The following INPP5A variants were observed in gnomAD, a reference collection of about 807,000 sequenced individuals.
INPP5A encodes the protein inositol polyphosphate-5-phosphatase A.
In INPP5A, 14 loss-of-function variants were observed where a neutral mutation model predicts 65.2. That is an observed-to-expected ratio of 0.21 (90% CI 0.14 to 0.34). The LOEUF (loss-of-function observed/expected upper bound fraction) is 0.34. Ranked by LOEUF, INPP5A falls within the 10% of genes least tolerant of loss-of-function variation. The probability of loss-of-function intolerance (pLI) is 1.00; values close to 1 mark genes in which losing one functional copy is unlikely to be tolerated. For missense variants in INPP5A, 431 were observed against 545.6 expected (o/e 0.79, Z 2.09); for synonymous variants, 207 against 208.3 (o/e 0.99, Z 0.05).
In INPP5A at chr10:132,650,983, C is replaced by T. The variant is rs1198882573; in HGVS notation, c.306+478C>T. On this transcript the variant is annotated intron_variant, in intron 4 of 15. Coordinates refer to ENST00000368594, the MANE Select transcript of INPP5A (RefSeq NM_005539.5). This position sits in a 1 kb window ranked among gnomAD's most constrained non-coding sequence, Gnocchi z 5.5. Reference sequence around the variant, plus strand: ...GAGAGGCTGTTCCTCAGGGTGAGCACAGGGGGAGTGGGACAGAGCCTTCCA... The same window carrying T: ...GAGAGGCTGTTCCTCAGGGTGAGCATAGGGGGAGTGGGACAGAGCCTTCCA... Among the ~76,000 whole-genome samples the T allele has an allele frequency of 6.6e-6, 1 of 152,102 alleles. No homozygotes were observed. Among genetic ancestry groups the T allele is most frequent in the Non-Finnish European group, 1.5e-5 (1 of 67,998 alleles).
At chr10:132,751,570 T>A (rs1393653787) in intron 11 of INPP5A, among the ~76,000 whole-genome samples, 4 of 152,046 alleles carry the variant, frequency 2.6e-5, no homozygotes, top group East Asian at 1.9e-4. Flanking sequence ...GCCTCGTCAG[T>A]GGGGAGCAGG....
rs769570143 is a variant in INPP5A at position 132,782,011 on chromosome 10, T to C, written c.*8-26T>C. ...AGCTTTTCCTGGTGCGTTTGTTCCTTTAACAAATTACGAATTCCGTGACAG... is the reference window on the plus strand; with the variant it reads ...AGCTTTTCCTGGTGCGTTTGTTCCTCTAACAAATTACGAATTCCGTGACAG... On this transcript the variant is annotated intron_variant, in intron 15 of 15. Coordinates refer to ENST00000368594, the MANE Select transcript of INPP5A (RefSeq NM_005539.5). This position sits in a 1 kb window ranked among gnomAD's most constrained non-coding sequence, Gnocchi z 4.4. 2 of 1,610,934 alleles carry C rather than the reference T, an allele frequency of 1.2e-6. No homozygotes were observed. The highest frequency in any genetic ancestry group is 1.7e-6 in the Non-Finnish European group (2 of 1,178,402).
At chr10:132,606,474 C>CGT (rs978191948) in intron 1 of INPP5A, among the ~76,000 whole-genome samples, 4 of 152,160 alleles carry the variant, frequency 2.6e-5, no homozygotes, top group African/African-American at 7.2e-5. Context: ...TCTCCCTTCG[C>CGT]GTGTGTGTGT....
At chr10:132,595,037 T>C (rs1024651007) in intron 1 of INPP5A, among the ~76,000 whole-genome samples, 5 of 152,236 alleles carry the variant, frequency 3.3e-5, no homozygotes, top group African/African-American at 9.6e-5. Flanking sequence ...GAAAAAGAAA[T>C]ACCTCTGCCT....
rs1845513732 is a variant in INPP5A at position 132,705,111 on chromosome 10, G to A, written c.475-3202G>A. On this transcript the variant is annotated intron_variant, in intron 6 of 15. Transcript: ENST00000368594. The surrounding 1 kb of genome is among the most constrained non-coding windows in gnomAD (Gnocchi z 4.9). ...GGTGTCCCAGCTGCACCGTTGGTGG[G>A]AGCATGGAGCCCGCTGTGGGGCATC... is the stretch of plus-strand genomic sequence containing the variant. 6.6e-6 allele frequency among the ~76,000 whole-genome samples: 1 copy of A among 152,214 alleles called. No homozygotes were observed.
At chr10:132,582,523 T>A (rs2071497629) in intron 1 of INPP5A, among the ~76,000 whole-genome samples, 1 of 151,364 alleles carries the variant, frequency 6.6e-6, no homozygotes, top group Middle Eastern at 3.4e-3. Context: ...GCTCAAGCGA[T>A]CCTCCCACCT....
At chr10:132,750,920 G>A (rs1440119885) in intron 11 of INPP5A, among the ~76,000 whole-genome samples, 1 of 152,226 alleles carries the variant, frequency 6.6e-6, no homozygotes, top group African/African-American at 2.4e-5. Flanking sequence ...TCACATCCTA[G>A]CATCCTGGGC....
intron 1 of INPP5A, among the ~76,000 whole-genome samples, chr10:132,591,938 C>T (rs2071625284): frequency 1.3e-5 from 2 of 152,184 alleles, no homozygotes; most frequent in Non-Finnish European, 2.9e-5. Context: ...AAAGAGCCGG[C>T]TCTGGGATGA....
intron 1 of INPP5A, among the ~76,000 whole-genome samples, chr10:132,571,843 A>G (rs1040502285): frequency 6.6e-6 from 1 of 152,188 alleles, no homozygotes; most frequent in African/African-American, 2.4e-5. Context: ...CTGCGGTAGC[A>G]GGTGGAGGGG....
intron 1 of INPP5A, among the ~76,000 whole-genome samples, chr10:132,565,595 A>G (rs2071262281): frequency 6.6e-6 from 1 of 152,144 alleles, no homozygotes; most frequent in Non-Finnish European, 1.5e-5. Context: ...GCATTTGTGC[A>G]TGTATGTCAC....
intron 12 of INPP5A, 74 bp downstream of exon 12, chr10:132,765,920 T>C (rs1445634212): frequency 1.2e-6 from 1 of 855,082 alleles, no homozygotes; most frequent in Non-Finnish European, 2.0e-6. Flanking sequence ...CTCTGGTGCA[T>C]CTGCGTGTCT....
Position 132,781,920 on chromosome 10 carries a change from C to A in INPP5A, c.1218C>A (p.His406Gln), listed in dbSNP as rs769763525. Residue 406 changes from histidine (H) to glutamine (Q), a missense_variant, in exon 15 of 16, where the codon CAC (histidine) becomes CAA (glutamine). Physicochemically the swap from His to Gln is conservative, Grantham distance 24. Coordinates refer to ENST00000368594, the MANE Select transcript of INPP5A (RefSeq NM_005539.5). ...PGAGKPHAHV[H>Q]KCCVVQ ...CAGGTAAACCTCATGCCCATGTGCA[C>A]AAGTGTTGTGTCGTGCAGTGACGTG... The A allele has an allele frequency of 5.6e-6, 9 of 1,613,766 alleles. No homozygotes were observed. In the South Asian group the frequency reaches 7.7e-5, roughly 14 times the overall value.
intron 8 of INPP5A, among the ~76,000 whole-genome samples, chr10:132,721,421 A>T (rs943342752): frequency 1.4e-5 from 2 of 145,138 alleles, no homozygotes; most frequent in East Asian, 4.2e-4. Flanking sequence ...GGTGCCTTAG[A>T]CGGCTGGCTT....
chr10:132,769,284 G>T (rs1427800989), intron 12 of INPP5A, among the ~76,000 whole-genome samples: 1 of 152,228 alleles, frequency 6.6e-6, no homozygotes, highest in African/African-American at 2.4e-5. Context: ...TTAACTAAAA[G>T]CACGGTTCTT....
intron 12 of INPP5A, among the ~76,000 whole-genome samples, chr10:132,774,022 A>G (rs1847001558): frequency 6.6e-6 from 1 of 152,210 alleles, no homozygotes; most frequent in Non-Finnish European, 1.5e-5. Flanking sequence ...TCAGCTTCTC[A>G]AAATGCTGGG....
At chr10:132,750,774 C>T (rs1485573024) in intron 11 of INPP5A, among the ~76,000 whole-genome samples, 2 of 152,116 alleles carry the variant, frequency 1.3e-5, no homozygotes, top group African/African-American at 2.4e-5. Context: ...GTTCCTAGGG[C>T]GCTCCCGAGC....
chr10:132,780,535 G>A (rs1356897126), intron 13 of INPP5A, among the ~76,000 whole-genome samples: 1 of 152,258 alleles, frequency 6.6e-6, no homozygotes, highest in Non-Finnish European at 1.5e-5. Flanking sequence ...ATGTCCGGGA[G>A]AGGGGAGCTT....
At chr10:132,747,942 C>T (rs903277614) in intron 9 of INPP5A, among the ~76,000 whole-genome samples, 9 of 152,038 alleles carry the variant, frequency 5.9e-5, no homozygotes, top group Non-Finnish European at 1.5e-5. Context: ...CCCAGCTACT[C>T]GAGGGGCTGA....
In INPP5A at chr10:132,762,742, A is replaced by AGGG. The variant is rs1846756848; in HGVS notation, c.904-3031_904-3030insGGG. Reference sequence around the variant, plus strand: ...CATACTTGGGGCTGGGCACGGTAGAACACTTGGGGAGGCCGAGGCAGGAGG... The same window carrying AGGG: ...CATACTTGGGGCTGGGCACGGTAGAAGGGCACTTGGGGAGGCCGAGGCAGGAGG... On this transcript the variant is annotated intron_variant, in intron 11 of 15. Coordinates refer to ENST00000368594, the MANE Select transcript of INPP5A (RefSeq NM_005539.5). The surrounding 1 kb of genome is among the most constrained non-coding windows in gnomAD (Gnocchi z 4.6). Among the ~76,000 whole-genome samples, 1 of 152,152 alleles carries AGGG rather than the reference A, an allele frequency of 6.6e-6. No homozygotes were observed. The highest frequency in any genetic ancestry group is 1.5e-5 in the Non-Finnish European group (1 of 68,024).
Sources: gnomAD v4.1 joint callset for allele counts (sites outside exome capture counted in the v4.1 genomes callset) on GRCh38, gnomAD v4.1.1 for gene constraint, Gnocchi (gnomAD v3.1) non-coding constraint, MANE v1.5 for transcripts, NCBI Gene and HGNC (gene_info 2026-07-23, HGNC 2026-07-21) for gene names.